The following GTF2IRD1 variants were observed in gnomAD, a reference collection of about 807,000 sequenced individuals.
GTF2IRD1 encodes the protein GTF2I repeat domain containing 1, also known as general transcription factor II-I repeat domain-containing protein 1.
A neutral mutation model predicts 113.2 loss-of-function variants in GTF2IRD1; 26 were observed. The ratio of observed to expected loss-of-function variants is 0.23; its 90% CI spans 0.17 to 0.32. The LOEUF (loss-of-function observed/expected upper bound fraction) is 0.32. Among genes scored for constraint, GTF2IRD1 ranks in the 10% least tolerant of loss-of-function variants. The probability of loss-of-function intolerance (pLI) is 1.00; values close to 1 mark genes in which losing one functional copy is unlikely to be tolerated. For synonymous variants in GTF2IRD1, 484 were observed against 529.1 expected, an observed-to-expected ratio of 0.91 and a Z score of 1.17; for missense variants, 864 against 1,280.8, an observed-to-expected ratio of 0.67 and a Z score of 4.97.
At chr7:74,536,297 CG>C (rs781956398) in intron 11 of GTF2IRD1, 22 bp downstream of exon 11, 1 of 1,457,462 alleles carries the variant, frequency 6.9e-7, no homozygotes, top group African/African-American at 1.4e-5. Flanking sequence ...CCCCTGGCCC[CG>C]GAGGCCCGCG....
chr7:74,513,399 A>T (rs1340982034), intron 3 of GTF2IRD1, among the ~76,000 whole-genome samples: 2 of 152,072 alleles, frequency 1.3e-5, no homozygotes, highest in Non-Finnish European at 2.9e-5. Context: ...TCTGCCTCCC[A>T]GGTTCAAGTG....
intron 22 of GTF2IRD1, among the ~76,000 whole-genome samples, chr7:74,570,782 C>T (rs1368946035): frequency 6.6e-6 from 1 of 152,172 alleles, no homozygotes; most frequent in Non-Finnish European, 1.5e-5. Context: ...ACTAGAGAGG[C>T]CGCTTCCTAT....
At chr7:74,580,155 T>G (rs1554365724) in intron 22 of GTF2IRD1, among the ~76,000 whole-genome samples, 1 of 152,124 alleles carries the variant, frequency 6.6e-6, no homozygotes, top group African/African-American at 2.4e-5. Flanking sequence ...GAATGTAGCT[T>G]TTTTATTTTT....
chr7:74,467,091 T>C (rs1584458358), intron 1 of GTF2IRD1, among the ~76,000 whole-genome samples: 1 of 151,790 alleles, frequency 6.6e-6, no homozygotes. Context: ...TGGGACCACA[T>C]GCACCTGCCA....
At chr7:74,459,769 T>C (rs1554328588) in intron 1 of GTF2IRD1, among the ~76,000 whole-genome samples, 1 of 152,218 alleles carries the variant, frequency 6.6e-6, no homozygotes, top group Admixed American at 6.5e-5. Flanking sequence ...TGTTGATCTG[T>C]AGTTCAGACT....
In GTF2IRD1 at chr7:74,601,310, C is replaced by T. The variant is rs782261808; in HGVS notation, c.2766+130C>T. On this transcript the variant is annotated intron_variant, in intron 26 of 26. Transcript: ENST00000424337. The stretch of plus-strand genomic sequence containing the variant: ...CACTGGGCTTTGAGTGGGGACCTTC[C>T]GGCCTCGGGGGTTATAGATGCATCC... The T allele has an allele frequency of 3.3e-5, 51 of 1,542,960 alleles. No homozygotes were observed. In the East Asian group the frequency reaches 7.3e-4, roughly 22 times the overall value.
chr7:74,526,105 C>G (rs782423001), intron 8 of GTF2IRD1, among the ~76,000 whole-genome samples: 14 of 152,194 alleles, frequency 9.2e-5, no homozygotes, highest in African/African-American at 3.4e-4. Flanking sequence ...GTGAGCCAGG[C>G]GGAGGTTGGG....
chr7:74,475,231 G>A (rs1794333221), intron 1 of GTF2IRD1, among the ~76,000 whole-genome samples: 1 of 152,208 alleles, frequency 6.6e-6, no homozygotes, highest in South Asian at 2.1e-4. Context: ...ATCATAGGCT[G>A]GGTGACAGAG....
At chr7:74,516,131 C>T (rs1796916001) in intron 4 of GTF2IRD1, among the ~76,000 whole-genome samples, 1 of 152,218 alleles carries the variant, frequency 6.6e-6, no homozygotes, top group Admixed American at 6.5e-5. Context: ...ATTTCACATG[C>T]CCTGGACTTC....
At chr7:74,496,757 C>T (rs1395914353) in intron 1 of GTF2IRD1, among the ~76,000 whole-genome samples, 1 of 152,078 alleles carries the variant, frequency 6.6e-6, no homozygotes, top group Non-Finnish European at 1.5e-5. Context: ...CTCTCCACTC[C>T]ATTCCAGCAA....
chr7:74,526,082 G>A (rs782149389), intron 8 of GTF2IRD1, among the ~76,000 whole-genome samples: 6 of 152,162 alleles, frequency 3.9e-5, no homozygotes, highest in Non-Finnish European at 5.9e-5. Flanking sequence ...GTCTCTCCCC[G>A]CCCCAGGCAG....
intron 17 of GTF2IRD1, among the ~76,000 whole-genome samples, chr7:74,552,535 G>C (rs1554355316): frequency 1.3e-5 from 2 of 151,984 alleles, no homozygotes; most frequent in Non-Finnish European, 2.9e-5. Flanking sequence ...TAAATAAAAA[G>C]GTAGCAGGAG....
chr7:74,488,528 CAGG>C (rs1432056042), intron 1 of GTF2IRD1, among the ~76,000 whole-genome samples: 1 of 150,962 alleles, frequency 6.6e-6, no homozygotes, highest in Admixed American at 6.6e-5. Flanking sequence ...GAGGCCAAGG[CAGG>C]AGGATTGCTT....
intron 22 of GTF2IRD1, among the ~76,000 whole-genome samples, chr7:74,577,460 T>A (rs587729790): frequency 1.2e-4 from 18 of 152,338 alleles, no homozygotes; most frequent in Non-Finnish European, 2.2e-4. Flanking sequence ...TCTTGACTCT[T>A]CGTGCCTAAA....
At chr7:74,517,177 C>T (rs374726165) in intron 4 of GTF2IRD1, among the ~76,000 whole-genome samples, 11 of 152,036 alleles carry the variant, frequency 7.2e-5, no homozygotes, top group African/African-American at 2.7e-4. Flanking sequence ...GCACCTGCCA[C>T]CACACCTGGA....
At chr7:74,472,031 G>A (rs1794145669) in intron 1 of GTF2IRD1, among the ~76,000 whole-genome samples, 1 of 152,130 alleles carries the variant, frequency 6.6e-6, no homozygotes, top group African/African-American at 2.4e-5. Context: ...AACACTCATA[G>A]AACTGTATGT....
intron 22 of GTF2IRD1, among the ~76,000 whole-genome samples, chr7:74,561,136 G>T (rs1554358922): frequency 1.3e-5 from 2 of 151,820 alleles, no homozygotes; most frequent in Non-Finnish European, 2.9e-5. Flanking sequence ...ATCACTTGAG[G>T]TCAGGAGTTC....
chr7:74,560,467 T>C (rs1799879180), intron 22 of GTF2IRD1, among the ~76,000 whole-genome samples: 1 of 147,104 alleles, frequency 6.8e-6, no homozygotes. Flanking sequence ...TAATAAAATA[T>C]ATACATAATA....
intron 22 of GTF2IRD1, among the ~76,000 whole-genome samples, chr7:74,565,652 G>A (rs966562558): frequency 1.3e-5 from 2 of 151,802 alleles, no homozygotes; most frequent in Admixed American, 6.6e-5. Context: ...TATTCCATCC[G>A]AAGAACATTC....
Sources: gnomAD v4.1 joint callset for allele counts (sites outside exome capture counted in the v4.1 genomes callset) on GRCh38, gnomAD v4.1.1 for gene constraint, MANE v1.5 for transcripts, NCBI Gene and HGNC (gene_info 2026-07-23, HGNC 2026-07-21) for gene names.